ADIPOR2: variants seen among roughly 807,000 people sequenced by gnomAD.
The protein encoded by ADIPOR2 is adiponectin receptor protein 2.
A neutral mutation model predicts 40.9 loss-of-function variants in ADIPOR2; 18 were observed. The ratio of observed to expected loss-of-function variants is 0.44; its 90% CI spans 0.30 to 0.65. ADIPOR2 has a LOEUF of 0.65. ADIPOR2 is among the 30% of genes least tolerant of loss of function. The pLI, the probability that ADIPOR2 is intolerant of heterozygous loss-of-function variation, is 0.09. For missense variants in ADIPOR2, 283 were observed against 479.2 expected (o/e 0.59, Z 3.82); for synonymous variants, 165 against 166.4 (o/e 0.99, Z 0.06).
At chr12:1,706,637 T>TGAAA (rs2094663522) in intron 1 of ADIPOR2, among the ~76,000 whole-genome samples, 1 of 152,156 alleles carries the variant, frequency 6.6e-6, no homozygotes, top group Non-Finnish European at 1.5e-5. Context: ...AATATACTCA[T>TGAAA]TTTAGGGGTG....
At chr12:1,780,727 TATC>T (rs1862698357) in intron 5 of ADIPOR2, 90 bp downstream of exon 5, 1 of 1,413,732 alleles carries the variant, frequency 7.1e-7, no homozygotes, top group South Asian at 1.5e-5. Context: ...GAATTCTTAA[TATC>T]ATCTCATGCA....
At position 1,703,612 on chromosome 12, in the gene ADIPOR2, G is replaced by A. The variant is rs567383223; in HGVS notation, c.-87+12421G>A. Among the ~76,000 whole-genome samples, 307 of 151,958 alleles carry A rather than the reference G, an allele frequency of 2.0e-3. 1 individual carries two copies. Among genetic ancestry groups the A allele is most frequent in the Admixed American group, 6.8e-3 (104 of 15,208 alleles). ...TTAGCCAAGTGTGGTAGTGTGTGCC[G>A]GGACTGAGGTGGGAGGATAGCTCGA... On this transcript the variant is annotated intron_variant, in intron 1 of 7. Coordinates refer to ENST00000357103, the MANE Select transcript of ADIPOR2 (RefSeq NM_024551.3).
intron 1 of ADIPOR2, among the ~76,000 whole-genome samples, chr12:1,709,658 A>G (rs1364279847): frequency 6.6e-6 from 1 of 152,206 alleles, no homozygotes; most frequent in Non-Finnish European, 1.5e-5. Flanking sequence ...AAGTGGAGAC[A>G]TGTAGAGATC....
At chr12:1,700,528 T>C (rs1370251398) in intron 1 of ADIPOR2, among the ~76,000 whole-genome samples, 1 of 152,204 alleles carries the variant, frequency 6.6e-6, no homozygotes, top group Non-Finnish European at 1.5e-5. Flanking sequence ...ATAAAATATG[T>C]GTAAAAAGAA....
At chr12:1,746,010 C>T (rs747149949) in intron 1 of ADIPOR2, among the ~76,000 whole-genome samples, 1 of 152,010 alleles carries the variant, frequency 6.6e-6, no homozygotes, top group Non-Finnish European at 1.5e-5. Context: ...TCTTCCTATG[C>T]TTGTTTTCAC....
intron 2 of ADIPOR2, 28 bp downstream of exon 2, chr12:1,754,542 A>G (rs1359376927): frequency 6.3e-7 from 1 of 1,578,906 alleles, no homozygotes; most frequent in East Asian, 2.3e-5. Context: ...AATGATAAAC[A>G]AAGGAAAAAA....
chr12:1,787,457 T>A lies in ADIPOR2; in HGVS notation c.*1385T>A, dbSNP rs146202000. 3.3e-5 allele frequency: 5 copies of A among 152,346 alleles called. No homozygotes were observed. The highest frequency in any genetic ancestry group is 5.9e-5 in the Non-Finnish European group (4 of 68,038). 9.4% of individuals were successfully genotyped at this position (152,346 alleles called of 1,614,324 possible). A position where few individuals can be genotyped will look rare whatever the true frequency, so the allele number is the denominator to read the frequency against. On this transcript the variant is annotated 3_prime_UTR_variant, in exon 8 of 8. Transcript: ENST00000357103. ...CAGGGATAAGAGTGGTGTGGCATTT[T>A]AAATACAATGGTATGTTATTGCCAG...
In ADIPOR2 at chr12:1,748,580, G is replaced by A. The variant is rs551470398; in HGVS notation, c.-86-5678G>A. On this transcript the variant is annotated intron_variant, in intron 1 of 7. Coordinates refer to ENST00000357103, the MANE Select transcript of ADIPOR2 (RefSeq NM_024551.3). The stretch of plus-strand genomic sequence containing the variant: ...TACATTTAAGTCTATGATCCATTTT[G>A]AGTTAATTTTTGTATGAAGTGTGAC... Among the ~76,000 whole-genome samples the A allele has an allele frequency of 2.7e-3, 403 of 151,978 alleles. 1 individual carries two copies. The highest frequency in any genetic ancestry group is 4.7e-3 in the Non-Finnish European group (319 of 67,946).
At chr12:1,719,337 A>G (rs550175018) in intron 1 of ADIPOR2, among the ~76,000 whole-genome samples, 1 of 152,294 alleles carries the variant, frequency 6.6e-6, no homozygotes, top group Non-Finnish European at 1.5e-5. Context: ...CTGTGTTGAA[A>G]TACTTGGCTT....
At chr12:1,709,600 C>T (rs144797987) in intron 1 of ADIPOR2, among the ~76,000 whole-genome samples, 7 of 152,100 alleles carry the variant, frequency 4.6e-5, no homozygotes, top group African/African-American at 1.4e-4. Context: ...GAATTTGTAA[C>T]GTAGAAGTAC....
At chr12:1,757,593 G>T in intron 2 of ADIPOR2, 1 of 1,180,980 alleles carries the variant, frequency 8.5e-7, no homozygotes, top group Non-Finnish European at 1.3e-6. Context: ...GATGGTGCCG[G>T]GCATCATGAG....
chr12:1,769,038 A>G (rs528208492), intron 2 of ADIPOR2, among the ~76,000 whole-genome samples: 1 of 152,338 alleles, frequency 6.6e-6, no homozygotes, highest in South Asian at 2.1e-4. Context: ...CAGAAGCAGA[A>G]CATAGCATGT....
intron 2 of ADIPOR2, among the ~76,000 whole-genome samples, chr12:1,756,479 C>A (rs1862136409): frequency 6.9e-6 from 1 of 145,936 alleles, no homozygotes; most frequent in Non-Finnish European, 1.5e-5. Context: ...TTTAAAGGAC[C>A]AAAAGAAGGC....
At chr12:1,699,433 C>T (rs1174092859) in intron 1 of ADIPOR2, among the ~76,000 whole-genome samples, 2 of 152,180 alleles carry the variant, frequency 1.3e-5, no homozygotes, top group African/African-American at 4.8e-5. Context: ...GCCTGGCCAA[C>T]ATGGCGAAAC....
chr12:1,777,477 C>T (rs3759374), intron 3 of ADIPOR2, among the ~76,000 whole-genome samples: 64,140 of 148,722 alleles, frequency 0.43, 15,361 homozygotes, highest in Non-Finnish European at 0.55. Context: ...ACCTCCGCCT[C>T]CCGGGTTCAA....
At chr12:1,782,346 GTTCT>G (rs1394262871) in intron 6 of ADIPOR2, among the ~76,000 whole-genome samples, 1 of 152,172 alleles carries the variant, frequency 6.6e-6, no homozygotes, top group African/African-American at 2.4e-5. Flanking sequence ...CAAGTAATAG[GTTCT>G]TTATCTGTTG....
intron 2 of ADIPOR2, among the ~76,000 whole-genome samples, chr12:1,762,294 A>G (rs1862287263): frequency 6.6e-6 from 1 of 152,170 alleles, no homozygotes; most frequent in South Asian, 2.1e-4. Context: ...TGTGTGACAT[A>G]TATTTATGTT....
chr12:1,739,902 A>T (rs1592601678), intron 1 of ADIPOR2, among the ~76,000 whole-genome samples: 1 of 152,196 alleles, frequency 6.6e-6, no homozygotes, highest in South Asian at 2.1e-4. Context: ...GGAGTTCGAG[A>T]CCAGCCTGGC....
At chr12:1,714,215 CCT>C (rs566709399) in intron 1 of ADIPOR2, among the ~76,000 whole-genome samples, 3 of 152,108 alleles carry the variant, frequency 2.0e-5, no homozygotes, top group Non-Finnish European at 4.4e-5. Context: ...CATTTTCTGT[CCT>C]CTCTGAACCA....
Sources: allele counts gnomAD v4.1 joint callset (sites outside exome capture counted in the v4.1 genomes callset), GRCh38; gene constraint gnomAD v4.1.1; transcripts MANE v1.5; gene names NCBI Gene and HGNC (gene_info 2026-07-23, HGNC 2026-07-21).